The following OR51L1 variants were observed in gnomAD, a reference collection of about 807,000 sequenced individuals.
The protein encoded by OR51L1 is olfactory receptor family 51 subfamily L member 1, also known as olfactory receptor 51L1.
OR51L1 carries 1 observed loss-of-function variant against 1.4 expected under a neutral mutation model. That is an observed-to-expected ratio of 0.72 (90% confidence interval 0.26 to 3.42). The LOEUF (loss-of-function observed/expected upper bound fraction) is 3.42, where lower values mean the gene tolerates loss of function less well. Ranked by LOEUF, OR51L1 falls within the 30% of genes most tolerant of loss-of-function variation. The probability of loss-of-function intolerance (pLI) is 0.20; values close to 1 mark genes in which losing one functional copy is unlikely to be tolerated. For synonymous variants in OR51L1, 156 were observed against 144.2 expected (o/e 1.08, Z -0.59); for missense variants, 378 against 380.0 (o/e 0.99, Z 0.04).
At chr11:4,996,776 C>CTTTCTTTCATT in intron 1 of OR51L1, among the ~76,000 whole-genome samples, 1 of 53,820 alleles carries the variant, frequency 1.9e-5, no homozygotes, top group Admixed American at 2.4e-4. Context: ...TTTCATTTCT[C>CTTTCTTTCATT]TCTCTCTGTT....
rs1299277859 is a variant in OR51L1, at chr11:4,999,375, A to G, written c.393A>G (p.Pro131=). 6.2e-7 allele frequency: 1 copy of G among 1,613,996 alleles called. No individual in the cohort carries two copies. The highest frequency in any genetic ancestry group is 2.2e-5 in the East Asian group (1 of 44,868). Residue 131 remains proline (P), a synonymous_variant, in exon 3 of 3, where the codon CCA becomes CCG. Transcript: ENST00000641819. ...ACCGTTTTGTTGCTATCTGCCATCC[A>G]CTGCACTACCCCACCATCCTCACCA... ...AFDRFVAICH[P]LHYPTILTNS...
chr11:5,001,929 G>T lies in OR51L1; in HGVS notation c.*1999G>T, dbSNP rs1000406969. ...TAATAGTGAAGATACATAGATAAAA[G>T]GTTAGTAAAATTAAGTGTAATCAAT... On this transcript the variant is annotated 3_prime_UTR_variant, in exon 3 of 3. Coordinates refer to ENST00000641819, the MANE Select transcript of OR51L1 (RefSeq NM_001004755.2). The T allele has an allele frequency of 2.0e-5, 3 of 152,104 alleles. No individual in the cohort carries two copies. The highest frequency in any genetic ancestry group is 1.3e-4 in the Admixed American group (2 of 15,260). The allele number at this position is 152,104 out of a possible 1,614,324, so 9.4% of individuals were successfully genotyped here. A position where few individuals can be genotyped will look rare whatever the true frequency, so the allele number is the denominator to read the frequency against.
At chr11:4,995,587 G>T (rs1847061024) in intron 1 of OR51L1, among the ~76,000 whole-genome samples, 2 of 134,542 alleles carry the variant, frequency 1.5e-5, no homozygotes, top group Non-Finnish European at 3.3e-5. Context: ...ATACTAGAGA[G>T]GCTGTAAAAA....
Position 5,000,163 on chromosome 11 carries a change from A to C in OR51L1, c.*233A>C. 1 of 400,688 alleles carries C rather than the reference A, an allele frequency of 2.5e-6. No homozygotes were observed. Among genetic ancestry groups the C allele is most frequent in the Non-Finnish European group, 4.4e-6 (1 of 225,644 alleles). The allele number at this position is 400,688 out of a possible 1,614,324, so 24.8% of individuals were successfully genotyped here. On this transcript the variant is annotated 3_prime_UTR_variant, in exon 3 of 3. Coordinates refer to ENST00000641819, the MANE Select transcript of OR51L1 (RefSeq NM_001004755.2). The stretch of plus-strand genomic sequence containing the variant: ...GGTCATTACAAGACTTATAATAGAA[A>C]ATGTATGTGCTAAGTCAAGTTTTTT...
rs545922941 is a variant in OR51L1 at position 5,004,474 on chromosome 11, C to T, written c.*4544C>T. 1 of 152,290 alleles carries T rather than the reference C, an allele frequency of 6.6e-6. No individual in the cohort carries two copies. Among genetic ancestry groups the T allele is most frequent in the East Asian group, 1.9e-4 (1 of 5,182 alleles). The allele number at this position is 152,290 out of a possible 1,614,324, so 9.4% of individuals were successfully genotyped here. A position where few individuals can be genotyped will look rare whatever the true frequency, so the allele number is the denominator to read the frequency against. On this transcript the variant is annotated 3_prime_UTR_variant, in exon 3 of 3. Coordinates refer to ENST00000641819, the MANE Select transcript of OR51L1 (RefSeq NM_001004755.2). ...TTTGGGAAGCCAGTCCCTAGAGTAA[C>T]TGCAAGACTCAGTAAGAGTCTAGCC...
At position 5,001,537 on chromosome 11, in the gene OR51L1, C is replaced by T. The variant is rs999343156; in HGVS notation, c.*1607C>T. The T allele has an allele frequency of 2.0e-5, 3 of 152,078 alleles. No individual in the cohort carries two copies. Among genetic ancestry groups the T allele is most frequent in the Non-Finnish European group, 2.9e-5 (2 of 68,006 alleles). The allele number at this position is 152,078 out of a possible 1,614,324, so 9.4% of individuals were successfully genotyped here. On this transcript the variant is annotated 3_prime_UTR_variant, in exon 3 of 3. Transcript: ENST00000641819. The stretch of plus-strand genomic sequence containing the variant: ...TTAAGAGTTGTGCACAATCTCAACC[C>T]TCATCTTTTAATAATACTTTTACCT...
At chr11:4,996,029 A>G (rs1485061030) in intron 1 of OR51L1, among the ~76,000 whole-genome samples, 1 of 152,130 alleles carries the variant, frequency 6.6e-6, no homozygotes, top group Non-Finnish European at 1.5e-5. Context: ...AATATACAGC[A>G]TGACCACAGT....
chr11:4,999,745 G>T lies in OR51L1; in HGVS notation c.763G>T (p.Val255Leu), dbSNP rs145140644. Residue 255 changes from valine to leucine, a missense_variant, in exon 3 of 3, where the codon GTG becomes TTG. Coordinates refer to ENST00000641819, the MANE Select transcript of OR51L1 (RefSeq NM_001004755.2). ...SHICVVLIFF[V>L]PVIGVSMVHR... The stretch of plus-strand genomic sequence containing the variant: ...TATCTGTGTGGTGCTTATCTTCTTT[G>T]TGCCAGTTATTGGGGTGTCAATGGT... 1.2e-6 allele frequency: 2 copies of T among 1,613,876 alleles called. No individual in the cohort carries two copies. The highest frequency in any genetic ancestry group is 2.7e-5 in the African/African-American group (2 of 74,884).
chr11:4,995,918 G>C, intron 1 of OR51L1, among the ~76,000 whole-genome samples: 1 of 152,140 alleles, frequency 6.6e-6, no homozygotes, highest in East Asian at 1.9e-4. Flanking sequence ...AAATAGAAAC[G>C]GGAAAGGGGC....
In OR51L1 at chr11:4,999,954, C is replaced by T. The variant is rs758372608; in HGVS notation, c.*24C>T. 17 of 1,559,436 alleles carry T rather than the reference C, an allele frequency of 1.1e-5. No homozygotes were observed. The highest frequency in any genetic ancestry group is 1.4e-5 in the Non-Finnish European group (16 of 1,154,320). On this transcript the variant is annotated 3_prime_UTR_variant, in exon 3 of 3. Transcript: ENST00000641819. The stretch of plus-strand genomic sequence containing the variant: ...AAGTAACCTCTGTCCTCCAACTTTT[C>T]CACTGAAAATCTCATGGAAGCTGTT...
intron 2 of OR51L1, among the ~76,000 whole-genome samples, chr11:4,998,094 A>C (rs1315370128): frequency 2.6e-5 from 4 of 152,064 alleles, no homozygotes; most frequent in Admixed American, 2.0e-4. Flanking sequence ...CATTTTGTGG[A>C]AGAGCAGAAA....
In OR51L1 at chr11:4,999,815, T is replaced by C; in HGVS notation, c.833T>C (p.Met278Thr). 6.2e-7 allele frequency: 1 copy of C among 1,614,088 alleles called. No homozygotes were observed. Among genetic ancestry groups the C allele is most frequent in the Non-Finnish European group, 8.5e-7 (1 of 1,180,014 alleles). Reference protein sequence around the residue: ...KHLSPIVHILMADIYLLLPPV... With the variant: ...KHLSPIVHILTADIYLLLPPV... ...CTGTCTCCCATAGTCCACATCCTCATGGCAGACATCTACCTTCTTCTTCCC... is the reference window on the plus strand; with the variant it reads ...CTGTCTCCCATAGTCCACATCCTCACGGCAGACATCTACCTTCTTCTTCCC... The change falls in exon 3 of 3, where the codon ATG becomes ACG. Residue 278 changes from methionine (M) to threonine (T), a missense_variant. Physicochemically the swap from Met to Thr is moderately conservative, Grantham distance 81. Transcript: ENST00000641819.
Position 4,999,181 on chromosome 11 carries a change from A to G in OR51L1, c.199A>G (p.Ile67Val). The part of the protein sequence containing the change: ...LHQPMYYFIS[I>V]LAVNDLGMSL... ...TCAGCCCATGTATTACTTTATTTCC[A>G]TCTTAGCAGTGAATGACCTGGGGAT... The change falls in exon 3 of 3, where the codon ATC (isoleucine) becomes GTC (valine). Residue 67 changes from isoleucine (I) to valine (V), a missense_variant. By Grantham distance (29) the Ile-to-Val change is conservative. Transcript: ENST00000641819. 6.2e-7 allele frequency: 1 copy of G among 1,613,986 alleles called. No individual in the cohort carries two copies. Among genetic ancestry groups the G allele is most frequent in the Non-Finnish European group, 8.5e-7 (1 of 1,179,950 alleles).
Position 5,004,630 on chromosome 11 carries a change from C to T in OR51L1, c.*4700C>T, listed in dbSNP as rs1847160525. 1 of 152,070 alleles carries T rather than the reference C, an allele frequency of 6.6e-6. No homozygotes were observed. Among genetic ancestry groups the T allele is most frequent in the Non-Finnish European group, 1.5e-5 (1 of 68,028 alleles). The allele number at this position is 152,070 out of a possible 1,614,324, so 9.4% of individuals were successfully genotyped here. A position where few individuals can be genotyped will look rare whatever the true frequency, so the allele number is the denominator to read the frequency against. ...TCTCTTACAAGTGTCCCTGCGGCAC[C>T]CTCTGCTGGCCAAGTTTAACATCAT... On this transcript the variant is annotated 3_prime_UTR_variant, in exon 3 of 3. Transcript: ENST00000641819.
chr11:4,998,762 G>A, intron 2 of OR51L1, 62 bp from the exon 3 acceptor site: 1 of 519,608 alleles, frequency 1.9e-6, no homozygotes. Flanking sequence ...CCATATTTGT[G>A]TAGTCCACAT....
chr11:4,997,558 A>T lies in OR51L1; in HGVS notation c.-185A>T. 6.6e-6 allele frequency: 1 copy of T among 152,314 alleles called. No homozygotes were observed. Among genetic ancestry groups the T allele is most frequent in the Non-Finnish European group, 1.5e-5 (1 of 68,040 alleles). 9.4% of individuals were successfully genotyped at this position (152,314 alleles called of 1,614,324 possible). A position where few individuals can be genotyped will look rare whatever the true frequency, so the allele number is the denominator to read the frequency against. On this transcript the variant is annotated 5_prime_UTR_variant, in exon 2 of 3. It removes an upstream start codon present in the reference 5' UTR. Coordinates refer to ENST00000641819, the MANE Select transcript of OR51L1 (RefSeq NM_001004755.2). Reference sequence around the variant, plus strand: ...CTACAGAGAGATGTTGCTGAAGTCTATGAGGCCCAGACTCTAAGGGACAAG... The same window carrying T: ...CTACAGAGAGATGTTGCTGAAGTCTTTGAGGCCCAGACTCTAAGGGACAAG...
chr11:5,003,445 A>G lies in OR51L1; in HGVS notation c.*3515A>G, dbSNP rs1847149658. On this transcript the variant is annotated 3_prime_UTR_variant, in exon 3 of 3. Transcript: ENST00000641819. ...TACTTCCTTTTGGCATCTGCATTCT[A>G]TTAGCAGTTTAGTGCAACAGGTGTG... The G allele has an allele frequency of 1.3e-5, 2 of 152,040 alleles. No homozygotes were observed. The highest frequency in any genetic ancestry group is 2.9e-5 in the Non-Finnish European group (2 of 68,050). 9.4% of individuals were successfully genotyped at this position (152,040 alleles called of 1,614,324 possible).
At position 4,999,862 on chromosome 11, in the gene OR51L1, T is replaced by TA. The variant is rs1189377569; in HGVS notation, c.881dup (p.Tyr294Ter). The TA allele has an allele frequency of 6.2e-7, 1 of 1,613,826 alleles. No homozygotes were observed. Among genetic ancestry groups the TA allele is most frequent in the African/African-American group, 1.3e-5 (1 of 74,910 alleles). The change falls in exon 3 of 3, where the codon TAT (tyrosine) becomes TAAT (stop). Residue 294 changes from tyrosine (Y) to a stop codon, truncating the protein, a stop_gained and frameshift_variant. Transcript: ENST00000641819. LOFTEE classifies it high-confidence loss of function. Reference protein sequence around the residue: ...LLPPVLNPIVYSVRTKQIRLG... With the variant: ...LLPPVLNPIV ...TCCCCCAGTCCTTAACCCTATTGTC[T>TA]ATAGTGTCAGAACAAAGCAGATTCG...
rs950957927 is a variant in OR51L1 at position 5,001,986 on chromosome 11, T to C, written c.*2056T>C. The C allele has an allele frequency of 5.3e-5, 8 of 152,210 alleles. No homozygotes were observed. Among genetic ancestry groups the C allele is most frequent in the African/African-American group, 7.2e-5 (3 of 41,452 alleles). The allele number at this position is 152,210 out of a possible 1,614,324, so 9.4% of individuals were successfully genotyped here. On this transcript the variant is annotated 3_prime_UTR_variant, in exon 3 of 3. Coordinates refer to ENST00000641819, the MANE Select transcript of OR51L1 (RefSeq NM_001004755.2). ...ATTGGAACAGGTACCTTTTATAATATTGATATATTAATAAGTGGTCAATTT... is the reference window on the plus strand; with the variant it reads ...ATTGGAACAGGTACCTTTTATAATACTGATATATTAATAAGTGGTCAATTT...
Sources: gnomAD v4.1 joint callset for allele counts (sites outside exome capture counted in the v4.1 genomes callset) on GRCh38, gnomAD v4.1.1 for gene constraint, MANE v1.5 for transcripts, NCBI Gene and HGNC (gene_info 2026-07-23, HGNC 2026-07-21) for gene names.